Variants in RAD51B observed in about 807,000 individuals in gnomAD.
The protein encoded by RAD51B is DNA repair protein RAD51 homolog 2.
In RAD51B, 38 loss-of-function variants were observed where a neutral mutation model predicts 42.2. The observed-to-expected ratio is 0.90, with a 90% CI of 0.70 to 1.18. The LOEUF is 1.18. RAD51B is among the 50% of genes most tolerant of loss of function. The pLI is 0.00. For synonymous variants in RAD51B, 154 were observed against 145.2 expected (o/e 1.06, Z -0.43); for missense variants, 373 against 400.7 (o/e 0.93, Z 0.59).
chr14:68,414,076 GC>G (rs1209024041), intron 9 of RAD51B, among the ~76,000 whole-genome samples: 1 of 152,126 alleles, frequency 6.6e-6, no homozygotes, highest in Non-Finnish European at 1.5e-5. Context: ...CAGATCACAG[GC>G]CTGGAAGGGG....
At chr14:68,562,033 G>A (rs373692000) in intron 10 of RAD51B, 3 of 985,422 alleles carry the variant, frequency 3.0e-6, no homozygotes, top group Admixed American at 6.1e-5. Context: ...CGTCTCTGAA[G>A]CTGTCTTTGC....
intron 10 of RAD51B, among the ~76,000 whole-genome samples, chr14:68,585,887 G>A (rs543178944): frequency 3.9e-5 from 6 of 152,206 alleles, no homozygotes; most frequent in South Asian, 2.1e-4. Flanking sequence ...AGCTGCAGAG[G>A]GGGGAGACAA....
intron 10 of RAD51B, among the ~76,000 whole-genome samples, chr14:68,526,454 G>A (rs371389828): frequency 5.9e-5 from 9 of 152,160 alleles, no homozygotes; most frequent in African/African-American, 1.9e-4. Context: ...CGTATTATAC[G>A]TCCAGCAATT....
intron 7 of RAD51B, among the ~76,000 whole-genome samples, chr14:68,009,674 C>T (rs189693318): frequency 6.6e-6 from 1 of 152,012 alleles, no homozygotes; most frequent in African/African-American, 2.4e-5. Context: ...GCTCAAGCAT[C>T]ACCTCACTAG....
intron 10 of RAD51B, among the ~76,000 whole-genome samples, chr14:68,559,890 T>A (rs979611821): frequency 6.6e-6 from 1 of 152,088 alleles, no homozygotes; most frequent in African/African-American, 2.4e-5. Context: ...TGCCCTGGGG[T>A]CCCCAGTGCT....
At chr14:67,962,020 A>C (rs1350765890) in intron 7 of RAD51B, among the ~76,000 whole-genome samples, 1 of 152,232 alleles carries the variant, frequency 6.6e-6, no homozygotes, top group Non-Finnish European at 1.5e-5. Context: ...TATTGTTAAA[A>C]AGTGAGTTTA....
intron 10 of RAD51B, among the ~76,000 whole-genome samples, chr14:68,531,863 G>A (rs1222021625): frequency 6.6e-6 from 1 of 152,096 alleles, no homozygotes; most frequent in African/African-American, 2.4e-5. Flanking sequence ...TTAGCCAGAT[G>A]TGGTGACTAT....
At chr14:68,120,706 G>A (rs1307759925) in intron 7 of RAD51B, among the ~76,000 whole-genome samples, 2 of 152,028 alleles carry the variant, frequency 1.3e-5, no homozygotes, top group African/African-American at 4.8e-5. Flanking sequence ...CTTTAAGTAA[G>A]GGTCCTCATT....
At chr14:68,293,043 ATG>A (rs1399694161) in intron 8 of RAD51B, among the ~76,000 whole-genome samples, 3 of 151,704 alleles carry the variant, frequency 2.0e-5, no homozygotes, top group African/African-American at 7.3e-5. Flanking sequence ...CTTTTTTGTA[ATG>A]TGTGTTGTGA....
intron 10 of RAD51B, among the ~76,000 whole-genome samples, chr14:68,484,360 T>TTTC (rs1555417116): frequency 2.9e-5 from 1 of 34,192 alleles, no homozygotes; most frequent in African/African-American, 2.2e-4. Context: ...TTTCTTTTTC[T>TTTC]TTTTTTTTTT....
intron 7 of RAD51B, among the ~76,000 whole-genome samples, chr14:68,102,123 C>T (rs574096897): frequency 1.3e-5 from 2 of 152,196 alleles, no homozygotes; most frequent in East Asian, 3.9e-4. Context: ...GGCACCATGT[C>T]CCAAGGCTGC....
chr14:68,508,263 A>G (rs1885482655), intron 10 of RAD51B, among the ~76,000 whole-genome samples: 1 of 152,064 alleles, frequency 6.6e-6, no homozygotes, highest in Non-Finnish European at 1.5e-5. Flanking sequence ...ACATCTAGTC[A>G]CTTGGAGACC....
intron 3 of RAD51B, among the ~76,000 whole-genome samples, chr14:67,825,852 C>G (rs1049230973): frequency 3.1e-4 from 47 of 152,080 alleles, no homozygotes; most frequent in Admixed American, 3.1e-3. Context: ...GCCTCAGCCT[C>G]CTGAGTAGCT....
rs543255785 is a variant in RAD51B, at chr14:68,331,973, A to G, written c.853+39993A>G. 1.2e-4 allele frequency among the ~76,000 whole-genome samples: 19 copies of G among 152,348 alleles called. No individual in the cohort carries two copies. In the South Asian group the frequency reaches 3.1e-3, roughly 25 times the overall value. On this transcript the variant is annotated intron_variant, in intron 8 of 10. Coordinates refer to ENST00000471583, the MANE Select transcript of RAD51B (RefSeq NM_133510.4). ...TTCATATGCATTTTCCAATTGAATT[A>G]TGGAAGAAAAATTAACTTAGAAAAC...
At chr14:68,571,695 T>C (rs1410636477) in intron 10 of RAD51B, among the ~76,000 whole-genome samples, 4 of 152,218 alleles carry the variant, frequency 2.6e-5, no homozygotes, top group Non-Finnish European at 5.9e-5. Context: ...CTTCAGGAAA[T>C]AGGCCGTGGA....
intron 10 of RAD51B, among the ~76,000 whole-genome samples, chr14:68,528,051 C>T (rs1428211587): frequency 6.6e-6 from 1 of 152,086 alleles, no homozygotes; most frequent in African/African-American, 2.4e-5. Context: ...AGTCAGATTG[C>T]ACTAAGCCAT....
intron 7 of RAD51B, among the ~76,000 whole-genome samples, chr14:67,909,883 T>C (rs1159112902): frequency 1.3e-5 from 2 of 152,272 alleles, no homozygotes; most frequent in East Asian, 3.9e-4. Context: ...CTTGAACTCC[T>C]GGGCTCAAGC....
chr14:67,887,209 G>A lies in RAD51B; in HGVS notation c.756+5G>A. 6.3e-7 allele frequency: 1 copy of A among 1,598,278 alleles called. No individual in the cohort carries two copies. The highest frequency in any genetic ancestry group is 8.5e-7 in the Non-Finnish European group (1 of 1,171,874). On this transcript the variant is annotated splice_donor_5th_base_variant and intron_variant, in intron 7 of 10. Coordinates refer to ENST00000471583, the MANE Select transcript of RAD51B (RefSeq NM_133510.4). The stretch of plus-strand genomic sequence containing the variant: ...GCTGAGGAGTTTTCAATCCCAGTAA[G>A]TTTTTCTTTTTTTCTCTTTTTTCTT...
chr14:68,490,806 C>A (rs939811778), intron 10 of RAD51B, among the ~76,000 whole-genome samples: 2 of 151,904 alleles, frequency 1.3e-5, no homozygotes, highest in African/African-American at 4.8e-5. Context: ...AAGGGAGGGG[C>A]AGGGAGGAAC....
Sources: allele counts gnomAD v4.1 joint callset (sites outside exome capture counted in the v4.1 genomes callset), GRCh38; gene constraint gnomAD v4.1.1; transcripts MANE v1.5; gene names NCBI Gene and HGNC (gene_info 2026-07-23, HGNC 2026-07-21).